The following PRKG1 variants were observed in gnomAD, a reference collection of about 807,000 sequenced individuals.
PRKG1 encodes cGMP-dependent protein kinase 1.
PRKG1 carries 35 observed loss-of-function variants against 88.1 expected under a neutral mutation model. That is an observed-to-expected ratio of 0.40 (90% CI 0.30 to 0.53). The LOEUF (loss-of-function observed/expected upper bound fraction) is 0.53. PRKG1 is among the 20% of genes least tolerant of loss of function. The pLI is 0.59. For synonymous variants in PRKG1, 303 were observed against 292.5 expected (o/e 1.04, Z -0.37); for missense variants, 540 against 839.8 (o/e 0.64, Z 4.41).
chr10:51,048,123 C>T (rs1434550162), intron 1 of PRKG1, among the ~76,000 whole-genome samples: 1 of 152,174 alleles, frequency 6.6e-6, no homozygotes, highest in East Asian at 1.9e-4. Flanking sequence ...TCTTGCATAT[C>T]ACTTCAAAAC....
intron 1 of PRKG1, among the ~76,000 whole-genome samples, chr10:51,144,517 GTAA>G (rs1845894733): frequency 6.6e-6 from 1 of 152,056 alleles, no homozygotes; most frequent in South Asian, 2.1e-4. Context: ...ATTAATAGTA[GTAA>G]TACTACTACT....
chr10:51,381,693 A>G (rs1837107936), intron 2 of PRKG1, among the ~76,000 whole-genome samples: 1 of 152,260 alleles, frequency 6.6e-6, no homozygotes, highest in Admixed American at 6.5e-5. Flanking sequence ...AAACCTGAAA[A>G]AAGAAAACAT....
chr10:51,112,166 C>T (rs553125341), intron 1 of PRKG1, among the ~76,000 whole-genome samples: 61 of 152,176 alleles, frequency 4.0e-4, no homozygotes, highest in South Asian at 2.7e-3. Flanking sequence ...CTGGCAGTTG[C>T]GGTCTCAAAT....
At chr10:51,313,778 A>G (rs1037011864) in intron 2 of PRKG1, among the ~76,000 whole-genome samples, 3 of 152,228 alleles carry the variant, frequency 2.0e-5, no homozygotes, top group African/African-American at 7.2e-5. Flanking sequence ...GTCCTCCTGT[A>G]TACCTTAAAT....
In PRKG1 at chr10:52,271,224, CTG is replaced by C. The variant is rs145585088; in HGVS notation, c.1174-122_1174-121del. 0.025 allele frequency: 24,207 copies of C among 965,088 alleles called. 2,316 individuals carry two copies. In the East Asian group the frequency reaches 0.29, roughly 11 times the overall value. 59.8% of individuals were successfully genotyped at this position (965,088 alleles called of 1,614,324 possible). A position where few individuals can be genotyped will look rare whatever the true frequency, so the allele number is the denominator to read the frequency against. ...TAAACGCAGCTCTACCAAGGATTTA[CTG>C]TGTTTTGACTTGGGAGGTGGCTGAG... On this transcript the variant is annotated intron_variant, in intron 10 of 17. Transcript: ENST00000373980.
intron 7 of PRKG1, among the ~76,000 whole-genome samples, chr10:52,073,434 T>C (rs1046866508): frequency 2.0e-5 from 3 of 152,174 alleles, no homozygotes; most frequent in African/African-American, 7.2e-5. Context: ...TGAGAGCTGC[T>C]CCCATATCAT....
intron 3 of PRKG1, among the ~76,000 whole-genome samples, chr10:51,494,485 T>C (rs942850110): frequency 6.6e-6 from 1 of 152,218 alleles, no homozygotes; most frequent in Non-Finnish European, 1.5e-5. Flanking sequence ...GAAAACTTAA[T>C]GTAGATGTGA....
chr10:51,586,080 C>A (rs1838165329), intron 3 of PRKG1, among the ~76,000 whole-genome samples: 1 of 152,030 alleles, frequency 6.6e-6, no homozygotes, highest in Non-Finnish European at 1.5e-5. Flanking sequence ...CGGTATCACG[C>A]AACATACCCA....
At chr10:51,248,269 A>T (rs1184751445) in intron 2 of PRKG1, among the ~76,000 whole-genome samples, 1 of 151,888 alleles carries the variant, frequency 6.6e-6, no homozygotes, top group East Asian at 1.9e-4. Context: ...TCAAATATTC[A>T]TACATCCAGA....
intron 2 of PRKG1, among the ~76,000 whole-genome samples, chr10:51,335,185 T>A (rs1009868186): frequency 6.6e-6 from 1 of 151,836 alleles, no homozygotes; most frequent in African/African-American, 2.4e-5. Flanking sequence ...GCTAATTTTT[T>A]ATATTTTTAG....
intron 3 of PRKG1, among the ~76,000 whole-genome samples, chr10:51,756,115 GA>G (rs1837853692): frequency 6.6e-6 from 1 of 152,152 alleles, no homozygotes; most frequent in African/African-American, 2.4e-5. Context: ...GGCAGACAAG[GA>G]AAGTAGAAAG....
chr10:52,025,836 A>G lies in PRKG1; in HGVS notation c.763-28648A>G, dbSNP rs527670333. Among the ~76,000 whole-genome samples, 146 of 151,842 alleles carry G rather than the reference A, an allele frequency of 9.6e-4. 1 individual carries two copies. The highest frequency in any genetic ancestry group is 1.6e-3 in the Non-Finnish European group (112 of 67,942). On this transcript the variant is annotated intron_variant, in intron 5 of 17. Coordinates refer to ENST00000373980, the MANE Select transcript of PRKG1 (RefSeq NM_006258.4). ...CATATGAACTTTAAAGTAGTTTGGA[A>G]AAAACTACTTTAAATTTAGCTAAGT...
At chr10:51,907,450 A>G in intron 4 of PRKG1, 57 bp from the exon 5 acceptor site, 1 of 1,335,612 alleles carries the variant, frequency 7.5e-7, no homozygotes. Context: ...CATTTTTATT[A>G]CTTATGAAAG....
At chr10:51,850,891 T>C (rs890389579) in intron 4 of PRKG1, among the ~76,000 whole-genome samples, 8 of 151,884 alleles carry the variant, frequency 5.3e-5, no homozygotes, top group African/African-American at 1.9e-4. Flanking sequence ...TAAGTAAAAA[T>C]GAAAAAAAGA....
At chr10:52,078,421 G>A (rs986872997) in intron 7 of PRKG1, among the ~76,000 whole-genome samples, 1 of 152,116 alleles carries the variant, frequency 6.6e-6, no homozygotes. Flanking sequence ...TGAGATTGCG[G>A]AAAATAATAG....
intron 3 of PRKG1, among the ~76,000 whole-genome samples, chr10:51,746,548 C>G (rs868426454): frequency 6.6e-6 from 1 of 151,780 alleles, no homozygotes. Flanking sequence ...GTGGTGAAAC[C>G]CTGTCTCTAC....
chr10:51,902,164 G>A (rs1484048208), intron 4 of PRKG1, among the ~76,000 whole-genome samples: 1 of 151,906 alleles, frequency 6.6e-6, no homozygotes, highest in Non-Finnish European at 1.5e-5. Context: ...GCCCAGGCTG[G>A]AGAGTACAGT....
chr10:51,621,066 C>A (rs964929150), intron 3 of PRKG1, among the ~76,000 whole-genome samples: 1 of 138,382 alleles, frequency 7.2e-6, no homozygotes, highest in African/African-American at 2.5e-5. Flanking sequence ...TAAACTGACT[C>A]CTATATGTAT....
chr10:51,508,405 G>T (rs1841290760), intron 3 of PRKG1, among the ~76,000 whole-genome samples: 1 of 152,152 alleles, frequency 6.6e-6, no homozygotes, highest in Non-Finnish European at 1.5e-5. Context: ...CCCTGGGCAA[G>T]GGTGTGGCTA....
Sources: gnomAD v4.1 joint callset for allele counts (sites outside exome capture counted in the v4.1 genomes callset) on GRCh38, gnomAD v4.1.1 for gene constraint, MANE v1.5 for transcripts, NCBI Gene and HGNC (gene_info 2026-07-23, HGNC 2026-07-21) for gene names.